KHDRBS3: variants seen among roughly 807,000 people sequenced by gnomAD.
KHDRBS3 encodes KH RNA binding domain containing, signal transduction associated 3.
In KHDRBS3, 23 loss-of-function variants were observed where a neutral mutation model predicts 45.6. The observed-to-expected ratio is 0.50, with a 90% CI of 0.36 to 0.72. KHDRBS3 has a LOEUF of 0.72. Ranked by LOEUF, KHDRBS3 falls within the 30% of genes least tolerant of loss-of-function variation. The probability of loss-of-function intolerance (pLI) is 0.00; values close to 1 mark genes in which losing one functional copy is unlikely to be tolerated. For missense variants in KHDRBS3, 352 were observed against 424.8 expected (o/e 0.83, Z 1.51); for synonymous variants, 162 against 156.5 (o/e 1.04, Z -0.26).
chr8:135,512,986 G>A (rs1824382043), intron 1 of KHDRBS3, among the ~76,000 whole-genome samples: 1 of 152,136 alleles, frequency 6.6e-6, no homozygotes, highest in Admixed American at 6.5e-5. Context: ...GCCGAGGCGG[G>A]CGGATGACAA....
intron 5 of KHDRBS3, among the ~76,000 whole-genome samples, chr8:135,567,000 A>T (rs148742687): frequency 1.3e-5 from 2 of 152,046 alleles, no homozygotes; most frequent in Non-Finnish European, 2.9e-5. Context: ...CCTTTAATGG[A>T]CCCCAAGTGG....
chr8:135,606,225 G>A (rs1829456460), intron 6 of KHDRBS3, among the ~76,000 whole-genome samples: 1 of 151,636 alleles, frequency 6.6e-6, no homozygotes, highest in Non-Finnish European at 1.5e-5. Flanking sequence ...GTCTTTTCTG[G>A]GCATGGATAT....
intron 1 of KHDRBS3, among the ~76,000 whole-genome samples, chr8:135,479,869 A>T (rs1822477716): frequency 6.6e-6 from 1 of 152,206 alleles, no homozygotes; most frequent in Admixed American, 6.5e-5. Flanking sequence ...AGAAAACTAC[A>T]CATCAGTATC....
intron 1 of KHDRBS3, among the ~76,000 whole-genome samples, chr8:135,517,852 A>T (rs888362034): frequency 1.1e-4 from 16 of 152,210 alleles, no homozygotes; most frequent in African/African-American, 3.9e-4. Flanking sequence ...TTCCAACATC[A>T]TTCAAAATTT....
At chr8:135,615,372 C>G (rs1426380303) in intron 7 of KHDRBS3, among the ~76,000 whole-genome samples, 1 of 152,126 alleles carries the variant, frequency 6.6e-6, no homozygotes, top group Non-Finnish European at 1.5e-5. Context: ...CAGACACACA[C>G]ACACACACAC....
chr8:135,490,798 G>A (rs966958036), intron 1 of KHDRBS3, among the ~76,000 whole-genome samples: 2 of 152,162 alleles, frequency 1.3e-5, no homozygotes, highest in Non-Finnish European at 2.9e-5. Flanking sequence ...GAGGATAATA[G>A]CTTGAATGTG....
intron 1 of KHDRBS3, among the ~76,000 whole-genome samples, chr8:135,489,493 T>A (rs1218704866): frequency 6.6e-6 from 1 of 152,048 alleles, no homozygotes; most frequent in East Asian, 1.9e-4. Context: ...TCCTGGCCAA[T>A]ATAGTGAAAC....
intron 1 of KHDRBS3, among the ~76,000 whole-genome samples, chr8:135,473,554 T>A (rs1822120617): frequency 6.6e-6 from 1 of 152,166 alleles, no homozygotes; most frequent in African/African-American, 2.4e-5. Context: ...TAACAAACTT[T>A]GGCCACAACC....
intron 5 of KHDRBS3, among the ~76,000 whole-genome samples, chr8:135,571,103 C>CT (rs763469618): frequency 6.6e-6 from 1 of 152,192 alleles, no homozygotes; most frequent in Non-Finnish European, 1.5e-5. Flanking sequence ...CACAGATTCT[C>CT]TCAGTTACAG....
chr8:135,572,355 C>A lies in KHDRBS3; in HGVS notation c.612-9523C>A, dbSNP rs572216291. On this transcript the variant is annotated intron_variant, in intron 5 of 8. Coordinates refer to ENST00000355849, the MANE Select transcript of KHDRBS3 (RefSeq NM_006558.3). ...CTTCCTTATACACTGTCTTATTTGT[C>A]AATAATTTTACCAGGAACCAGTTTG... 2.3e-4 allele frequency among the ~76,000 whole-genome samples: 35 copies of A among 152,226 alleles called. No individual in the cohort carries two copies. In the South Asian group the frequency reaches 7.3e-3, roughly 32 times the overall value.
chr8:135,568,529 G>T (rs1238388491), intron 5 of KHDRBS3, among the ~76,000 whole-genome samples: 1 of 152,134 alleles, frequency 6.6e-6, no homozygotes, highest in Non-Finnish European at 1.5e-5. Flanking sequence ...GAAACATCGA[G>T]AATAATGCAT....
At chr8:135,502,693 T>C (rs186069401) in intron 1 of KHDRBS3, among the ~76,000 whole-genome samples, 159 of 152,300 alleles carry the variant, frequency 1.0e-3, no homozygotes, top group African/African-American at 3.8e-3. Context: ...CCGTGTGTGC[T>C]TTTTCCAACC....
chr8:135,642,613 C>A lies in KHDRBS3; in HGVS notation c.891-2446C>A, dbSNP rs551022214. On this transcript the variant is annotated intron_variant, in intron 7 of 8. Coordinates refer to ENST00000355849, the MANE Select transcript of KHDRBS3 (RefSeq NM_006558.3). ...ACTATTCTGTAATGTGTTAAGCCAGCGGAGCTTAACACAGCCCATTTCAGA... is the reference window on the plus strand; with the variant it reads ...ACTATTCTGTAATGTGTTAAGCCAGAGGAGCTTAACACAGCCCATTTCAGA... 2.0e-4 allele frequency among the ~76,000 whole-genome samples: 30 copies of A among 152,200 alleles called. No individual in the cohort carries two copies. The South Asian group carries it at 6.0e-3, about 31-fold the overall frequency.
intron 1 of KHDRBS3, among the ~76,000 whole-genome samples, chr8:135,480,346 G>C (rs1822499908): frequency 6.6e-6 from 1 of 152,108 alleles, no homozygotes. Context: ...GTACAACTAA[G>C]TATTTGTAGG....
chr8:135,629,525 C>T (rs1365464564), intron 7 of KHDRBS3, among the ~76,000 whole-genome samples: 1 of 152,224 alleles, frequency 6.6e-6, no homozygotes, highest in Non-Finnish European at 1.5e-5. Flanking sequence ...CCCGAGCTTA[C>T]CCTGCTTCTA....
At chr8:135,557,168 T>G (rs1826928178) in intron 4 of KHDRBS3, among the ~76,000 whole-genome samples, 1 of 152,226 alleles carries the variant, frequency 6.6e-6, no homozygotes, top group African/African-American at 2.4e-5. Flanking sequence ...TATGGTATTT[T>G]AATTTTATTA....
At chr8:135,534,759 G>A (rs1050082502) in intron 2 of KHDRBS3, among the ~76,000 whole-genome samples, 12 of 152,036 alleles carry the variant, frequency 7.9e-5, no homozygotes, top group Non-Finnish European at 1.6e-4. Flanking sequence ...TCTGCATCTC[G>A]CTTACCTGAT....
At chr8:135,561,542 T>TG (rs1827167719) in intron 5 of KHDRBS3, among the ~76,000 whole-genome samples, 1 of 151,694 alleles carries the variant, frequency 6.6e-6, no homozygotes, top group Admixed American at 6.6e-5. Context: ...GTAATAAGTT[T>TG]TTTTTTTTTT....
chr8:135,617,710 A>G (rs1259964862), intron 7 of KHDRBS3, among the ~76,000 whole-genome samples: 1 of 152,224 alleles, frequency 6.6e-6, no homozygotes, highest in African/African-American at 2.4e-5. Context: ...ACTCTGCTAT[A>G]CTACCTCTCT....
Sources: gnomAD v4.1 joint callset for allele counts (sites outside exome capture counted in the v4.1 genomes callset) on GRCh38, gnomAD v4.1.1 for gene constraint, MANE v1.5 for transcripts, NCBI Gene and HGNC (gene_info 2026-07-23, HGNC 2026-07-21) for gene names.